DCLK1: variants seen among roughly 807,000 people sequenced by gnomAD.
DCLK1 encodes the protein doublecortin like kinase 1.
Under a neutral mutation model 86.2 loss-of-function variants are expected in DCLK1, and 16 were observed. The ratio of observed to expected loss-of-function variants is 0.19; its 90% confidence interval spans 0.13 to 0.28. The LOEUF (loss-of-function observed/expected upper bound fraction) is 0.28, where lower values mean the gene tolerates loss of function less well. Ranked by LOEUF, DCLK1 falls within the 10% of genes least tolerant of loss-of-function variation. The pLI, the probability that DCLK1 is intolerant of heterozygous loss-of-function variation, is 1.00. For missense variants in DCLK1, 590 were observed against 940.2 expected, an observed-to-expected ratio of 0.63 and a Z score of 4.87; for synonymous variants, 369 against 370.5, an observed-to-expected ratio of 1.00 and a Z score of 0.05.
chr13:35,864,234 C>G (rs534260781), intron 5 of DCLK1, among the ~76,000 whole-genome samples: 1 of 152,254 alleles, frequency 6.6e-6, no homozygotes, highest in South Asian at 2.1e-4. Context: ...GTTCCACAGA[C>G]AGAGATTCTA....
chr13:36,023,551 C>T (rs771295380), intron 3 of DCLK1, among the ~76,000 whole-genome samples: 69 of 152,154 alleles, frequency 4.5e-4, no homozygotes, highest in Admixed American at 7.9e-4. Context: ...TTCAAAGTTT[C>T]CCAATTAAAA....
intron 3 of DCLK1, among the ~76,000 whole-genome samples, chr13:36,027,354 C>T (rs1359205641): frequency 1.3e-5 from 2 of 152,222 alleles, no homozygotes; most frequent in Non-Finnish European, 1.5e-5. Flanking sequence ...AGGCGGAGCT[C>T]ATGCAGTAAT....
intron 4 of DCLK1, among the ~76,000 whole-genome samples, chr13:35,884,694 A>G (rs9574777): frequency 0.22 from 34,094 of 151,966 alleles, 4,970 homozygotes; most frequent in African/African-American, 0.4. Flanking sequence ...CCAATACTCA[A>G]CCTACTCTAG....
chr13:35,853,739 T>A (rs533570076), intron 6 of DCLK1, among the ~76,000 whole-genome samples: 87 of 152,240 alleles, frequency 5.7e-4, no homozygotes, highest in African/African-American at 2.0e-3. Flanking sequence ...CCCCCCACCT[T>A]GCGTCTGAAA....
chr13:35,978,483 G>A lies in DCLK1; in HGVS notation c.724-31026C>T, dbSNP rs575047949. On this transcript the variant is annotated intron_variant, in intron 3 of 16. Transcript: ENST00000360631. ...GGCCTCCCAAAGTGCTGGGATTACC[G>A]GCGTGAGCCACCGTGCCCGGTCTAG... Among the ~76,000 whole-genome samples the A allele has an allele frequency of 7.9e-5, 12 of 152,022 alleles. No individual in the cohort carries two copies. In the East Asian group the frequency reaches 1.5e-3, roughly 20 times the overall value.
chr13:35,926,610 A>T (rs74046155), intron 4 of DCLK1, among the ~76,000 whole-genome samples: 2,280 of 152,306 alleles, frequency 0.015, 62 homozygotes, highest in African/African-American at 0.052. Flanking sequence ...CACACTAAAG[A>T]TCTCAAATTT....
At chr13:35,838,211 C>T (rs576662214) in intron 7 of DCLK1, among the ~76,000 whole-genome samples, 47 of 152,184 alleles carry the variant, frequency 3.1e-4, no homozygotes, top group African/African-American at 1.1e-3. Context: ...TCTGGAAATA[C>T]AAAAAATTCT....
chr13:36,085,862 T>G (rs1374509568), intron 3 of DCLK1, among the ~76,000 whole-genome samples: 1 of 152,118 alleles, frequency 6.6e-6, no homozygotes, highest in Non-Finnish European at 1.5e-5. Context: ...GATTCCCCTT[T>G]CTTGGCATTC....
intron 4 of DCLK1, among the ~76,000 whole-genome samples, chr13:35,932,517 G>C (rs2029873559): frequency 6.6e-6 from 1 of 152,214 alleles, no homozygotes; most frequent in Admixed American, 6.5e-5. Flanking sequence ...GGACTTTACA[G>C]TTCCACATGG....
intron 5 of DCLK1, among the ~76,000 whole-genome samples, chr13:35,857,225 AG>A (rs777599198): frequency 2.0e-5 from 3 of 152,160 alleles, no homozygotes; most frequent in Non-Finnish European, 2.9e-5. Flanking sequence ...TCCCTTCTCT[AG>A]GGCATGTGCA....
rs1459334374 is a variant in DCLK1 at position 35,770,532 on chromosome 13, C to T, written c.*4003G>A. 6.6e-6 allele frequency: 1 copy of T among 152,038 alleles called. No homozygotes were observed. Among genetic ancestry groups the T allele is most frequent in the Non-Finnish European group, 1.5e-5 (1 of 68,020 alleles). 9.4% of individuals were successfully genotyped at this position (152,038 alleles called of 1,614,324 possible). On this transcript the variant is annotated 3_prime_UTR_variant, in exon 17 of 17. Transcript: ENST00000360631. ...TAAGGGTCTGTGTGAGAGTATTTTC[C>T]CCAAACTCCTAATGGACATGGCAGA...
At chr13:35,822,659 A>C in intron 11 of DCLK1, 70 bp downstream of exon 11, 1 of 1,590,190 alleles carries the variant, frequency 6.3e-7, no homozygotes, top group Non-Finnish European at 8.6e-7. Context: ...AAGAAAAGAA[A>C]AAAGAAATAT....
At chr13:35,788,722 A>C (rs1415255552) in intron 16 of DCLK1, among the ~76,000 whole-genome samples, 1 of 152,246 alleles carries the variant, frequency 6.6e-6, no homozygotes, top group African/African-American at 2.4e-5. Context: ...GAAATGAAAG[A>C]GGAAAAGAAT....
chr13:36,054,815 T>G (rs1395310874), intron 3 of DCLK1, among the ~76,000 whole-genome samples: 3 of 152,140 alleles, frequency 2.0e-5, no homozygotes, highest in Non-Finnish European at 2.9e-5. Flanking sequence ...AGTTGTGCAT[T>G]TGTCACAGCT....
chr13:36,030,833 T>C (rs1444698999), intron 3 of DCLK1, among the ~76,000 whole-genome samples: 1 of 152,154 alleles, frequency 6.6e-6, no homozygotes, highest in Non-Finnish European at 1.5e-5. Flanking sequence ...TCTCCCCAAC[T>C]GATCAGCTCC....
chr13:35,977,006 A>C (rs1181360508), intron 3 of DCLK1, among the ~76,000 whole-genome samples: 1 of 152,226 alleles, frequency 6.6e-6, no homozygotes, highest in Non-Finnish European at 1.5e-5. Context: ...AATCTGGATT[A>C]TATTATTTAA....
Position 35,793,470 on chromosome 13 carries a change from G to T in DCLK1, c.1954C>A (p.Leu652Ile). Residue 652 changes from leucine to isoleucine, a missense_variant, in exon 16 of 17, where the codon CTC (leucine) becomes ATC (isoleucine). By Grantham distance (5) the Leu-to-Ile change is conservative. Transcript: ENST00000360631. ...LEHPWVNDDGLPENEHQLSVA... is the reference protein window; with the variant it reads ...LEHPWVNDDGIPENEHQLSVA... ...GACAGCTGATGTTCATTTTCTGGGA[G>T]GCCATCATCCTGGAGAAAAAGAAAT... 1.2e-6 allele frequency: 2 copies of T among 1,601,724 alleles called. No homozygotes were observed. The highest frequency in any genetic ancestry group is 1.7e-6 in the Non-Finnish European group (2 of 1,174,296).
At chr13:35,936,288 T>C (rs1296816130) in intron 4 of DCLK1, among the ~76,000 whole-genome samples, 7 of 152,214 alleles carry the variant, frequency 4.6e-5, no homozygotes, top group Non-Finnish European at 1.0e-4. Flanking sequence ...ATGTTAGGCA[T>C]AGAAGCCAGT....
At chr13:36,009,683 G>A (rs1881185569) in intron 3 of DCLK1, among the ~76,000 whole-genome samples, 1 of 95,950 alleles carries the variant, frequency 1.0e-5, no homozygotes, top group Non-Finnish European at 2.1e-5. Context: ...TGTTCTTTTG[G>A]CTTAGGATTG....
Sources: gnomAD v4.1 joint callset for allele counts (sites outside exome capture counted in the v4.1 genomes callset) on GRCh38, gnomAD v4.1.1 for gene constraint, MANE v1.5 for transcripts, NCBI Gene and HGNC (gene_info 2026-07-23, HGNC 2026-07-21) for gene names.